HDGFL3: variants seen among roughly 807,000 people sequenced by gnomAD.
The protein encoded by HDGFL3 is hepatoma-derived growth factor-related protein 3.
A neutral mutation model predicts 27.6 loss-of-function variants in HDGFL3; 6 were observed. The observed-to-expected ratio is 0.22, with a 90% CI of 0.12 to 0.43. The LOEUF (loss-of-function observed/expected upper bound fraction) is 0.43. Among genes scored for constraint, HDGFL3 ranks in the 20% least tolerant of loss-of-function variants. The pLI, the probability that HDGFL3 is intolerant of heterozygous loss-of-function variation, is 1.00. For synonymous variants in HDGFL3, 88 were observed against 88.9 expected, an observed-to-expected ratio of 0.99 and a Z score of 0.05; for missense variants, 207 against 250.1, an observed-to-expected ratio of 0.83 and a Z score of 1.16.
chr15:83,159,620 C>T (rs1596552273), intron 2 of HDGFL3, among the ~76,000 whole-genome samples: 1 of 151,982 alleles, frequency 6.6e-6, no homozygotes, highest in Non-Finnish European at 1.5e-5. Context: ...TATAGATATA[C>T]AGATCAAGGA....
At chr15:83,190,605 T>C (rs748263411) in intron 1 of HDGFL3, among the ~76,000 whole-genome samples, 44 of 152,200 alleles carry the variant, frequency 2.9e-4, no homozygotes, top group Admixed American at 3.3e-4. Flanking sequence ...GCTGTTCATG[T>C]CTTTTGCCCA....
At chr15:83,123,186 G>A (rs983709602), downstream of HDGFL3, among the ~76,000 whole-genome samples, 1 of 152,198 alleles carries the variant, frequency 6.6e-6, no homozygotes, top group Non-Finnish European at 1.5e-5. Context: ...ATAGTGTGTG[G>A]TTCATCTAGG....
At chr15:83,198,617 A>G (rs2037600890) in intron 1 of HDGFL3, among the ~76,000 whole-genome samples, 1 of 152,196 alleles carries the variant, frequency 6.6e-6, no homozygotes, top group African/African-American at 2.4e-5. Flanking sequence ...GCTGGAAAGT[A>G]TAAGCATGGT....
rs980950206 is a variant in HDGFL3 at position 83,144,605 on chromosome 15, G to C, written c.607-5330C>G. The C allele has an allele frequency of 7.1e-5, 32 of 447,590 alleles. No individual in the cohort carries two copies. The East Asian group carries it at 2.2e-3, about 31-fold the overall frequency. 27.7% of individuals were successfully genotyped at this position (447,590 alleles called of 1,614,324 possible). A position where few individuals can be genotyped will look rare whatever the true frequency, so the allele number is the denominator to read the frequency against. ...AGGCCTCTGGGAAACAACTCATGAG[G>C]AACTGAGGCCTCCAGTCCAACAACC... On this transcript the variant is annotated intron_variant, in intron 5 of 5. Coordinates refer to ENST00000299633, the MANE Select transcript of HDGFL3 (RefSeq NM_016073.4).
chr15:83,124,999 A>G (rs2035602025), downstream of HDGFL3, among the ~76,000 whole-genome samples: 1 of 152,154 alleles, frequency 6.6e-6, no homozygotes, highest in African/African-American at 2.4e-5. Flanking sequence ...TCTACTCAGA[A>G]GCATCTTCCT....
At chr15:83,196,991 C>G (rs1005979736) in intron 1 of HDGFL3, among the ~76,000 whole-genome samples, 1 of 152,196 alleles carries the variant, frequency 6.6e-6, no homozygotes, top group Non-Finnish European at 1.5e-5. Context: ...TCTTGTTAAG[C>G]TGCACTACTT....
intron 5 of HDGFL3, among the ~76,000 whole-genome samples, chr15:83,145,434 G>A (rs923803309): frequency 6.6e-6 from 1 of 152,052 alleles, no homozygotes; most frequent in African/African-American, 2.4e-5. Flanking sequence ...TCTTCTAAGG[G>A]CAGTGCTGCC....
chr15:83,190,420 C>T (rs2037497710), intron 1 of HDGFL3, among the ~76,000 whole-genome samples: 2 of 152,106 alleles, frequency 1.3e-5, no homozygotes, highest in Admixed American at 1.3e-4. Flanking sequence ...GTATATACTT[C>T]TTCAGTATTG....
chr15:83,173,482 T>A (rs1358937800), intron 1 of HDGFL3, among the ~76,000 whole-genome samples: 1 of 152,226 alleles, frequency 6.6e-6, no homozygotes, highest in African/African-American at 2.4e-5. Flanking sequence ...CCGGACATAA[T>A]CCCTTGTAAG....
chr15:83,125,741 T>TCC (rs1176466787), downstream of HDGFL3, among the ~76,000 whole-genome samples: 2 of 152,228 alleles, frequency 1.3e-5, no homozygotes, highest in Non-Finnish European at 2.9e-5. Context: ...GAGTGGCAAG[T>TCC]GTAAGCCCAT....
intron 2 of HDGFL3, among the ~76,000 whole-genome samples, chr15:83,160,888 A>C (rs1031608195): frequency 6.6e-5 from 10 of 152,202 alleles, no homozygotes; most frequent in African/African-American, 2.2e-4. Flanking sequence ...AAGAAGCACC[A>C]AACTTTTAAG....
exon 4 of HDGFL3, chr15:83,114,673 C>T (rs576667636): frequency 3.5e-4 from 54 of 152,580 alleles, no homozygotes; most frequent in African/African-American, 1.2e-3. Context: ...CCCCACACTC[C>T]TCTCCATTTC....
At chr15:83,151,127 A>G (rs2036958682) in intron 5 of HDGFL3, 88 bp downstream of exon 5, 1 of 1,205,162 alleles carries the variant, frequency 8.3e-7, no homozygotes, top group Non-Finnish European at 1.2e-6. Context: ...TATCAACACA[A>G]TGTTTACTAA....
intron 1 of HDGFL3, among the ~76,000 whole-genome samples, chr15:83,196,195 ATAT>A (rs1268582319): frequency 6.6e-6 from 1 of 151,580 alleles, no homozygotes; most frequent in African/African-American, 2.4e-5. Flanking sequence ...CAATATATTT[ATAT>A]TTGTCCATTA....
rs192184901 is a variant in HDGFL3 at position 83,133,330 on chromosome 15, T to C, written c.*5940A>G. 5.9e-5 allele frequency: 9 copies of C among 152,366 alleles called. No homozygotes were observed. The allele number at this position is 152,366 out of a possible 1,614,324, so 9.4% of individuals were successfully genotyped here. On this transcript the variant is annotated 3_prime_UTR_variant, in exon 6 of 6. Coordinates refer to ENST00000299633, the MANE Select transcript of HDGFL3 (RefSeq NM_016073.4). ...TGCCTATAACATTCACATGGACATA[T>C]AACACTCTTTCAGTTCCTCCTTGTG... is the stretch of plus-strand genomic sequence containing the variant.
intron 1 of HDGFL3, among the ~76,000 whole-genome samples, chr15:83,191,348 T>C (rs1047058293): frequency 6.6e-6 from 1 of 152,172 alleles, no homozygotes; most frequent in Admixed American, 6.5e-5. Flanking sequence ...TACCTAAGAA[T>C]ATACCTAAAA....
At chr15:83,185,233 A>G (rs1407300256) in intron 1 of HDGFL3, among the ~76,000 whole-genome samples, 1 of 152,142 alleles carries the variant, frequency 6.6e-6, no homozygotes, top group Non-Finnish European at 1.5e-5. Context: ...CATGTTGGCC[A>G]GGCTGGTCTC....
chr15:83,205,237 T>C (rs2037702554), intron 1 of HDGFL3, among the ~76,000 whole-genome samples: 1 of 152,234 alleles, frequency 6.6e-6, no homozygotes, highest in Non-Finnish European at 1.5e-5. Flanking sequence ...ATGTGAAGTA[T>C]ACGCACTGTA....
intron 4 of HDGFL3, among the ~76,000 whole-genome samples, chr15:83,153,209 C>A (rs2036986198): frequency 6.6e-6 from 1 of 151,846 alleles, no homozygotes; most frequent in Non-Finnish European, 1.5e-5. Context: ...ACTGTGTTAG[C>A]CAGGATGGTC....
Sources: allele counts gnomAD v4.1 joint callset (sites outside exome capture counted in the v4.1 genomes callset), GRCh38; gene constraint gnomAD v4.1.1; transcripts MANE v1.5; gene names NCBI Gene and HGNC (gene_info 2026-07-23, HGNC 2026-07-21).